Variants in KIF13A observed in about 807,000 individuals in gnomAD.
KIF13A encodes the protein kinesin-like protein KIF13A.
Under a neutral mutation model 212.2 loss-of-function variants are expected in KIF13A, and 79 were observed. That is an observed-to-expected ratio of 0.37 (90% CI 0.31 to 0.45). KIF13A has a LOEUF of 0.45. Among genes scored for constraint, KIF13A ranks in the 20% least tolerant of loss-of-function variants. KIF13A has a pLI of 1.00. For missense variants in KIF13A, 1,901 were observed against 2,209.0 expected, an observed-to-expected ratio of 0.86 and a Z score of 2.79; for synonymous variants, 789 against 808.6, an observed-to-expected ratio of 0.98 and a Z score of 0.41.
In KIF13A at chr6:17,838,276, G is replaced by A. The variant is rs557019153; in HGVS notation, c.831-693C>T. On this transcript the variant is annotated intron_variant, in intron 9 of 38. Transcript: ENST00000259711. The surrounding 1 kb of genome is among the most constrained non-coding windows in gnomAD (Gnocchi z 4.2). Reference sequence around the variant, plus strand: ...GCGGAGGCTGCAGTGAGCCAAGATCGCGCCACTGTACTCCAGCCTGGGCGA... The same window carrying A: ...GCGGAGGCTGCAGTGAGCCAAGATCACGCCACTGTACTCCAGCCTGGGCGA... Among the ~76,000 whole-genome samples the A allele has an allele frequency of 2.9e-3, 442 of 151,248 alleles. No individual in the cohort carries two copies. The highest frequency in any genetic ancestry group is 4.4e-3 in the Admixed American group (67 of 15,176).
Position 17,826,166 on chromosome 6 carries a change from G to C in KIF13A, c.1533-42C>G. 6.8e-7 allele frequency: 1 copy of C among 1,476,276 alleles called. No individual in the cohort carries two copies. The highest frequency in any genetic ancestry group is 9.5e-7 in the Non-Finnish European group (1 of 1,057,486). 91.4% of individuals were successfully genotyped at this position (1,476,276 alleles called of 1,614,324 possible). On this transcript the variant is annotated intron_variant, in intron 14 of 38. Coordinates refer to ENST00000259711, the MANE Select transcript of KIF13A (RefSeq NM_022113.6). This position sits in a 1 kb window ranked among gnomAD's most constrained non-coding sequence, Gnocchi z 4.7. ...GAAAATACCAGGTAAATGGGAAGGA[G>C]CACAAGACCTTGTCCTGGTAGCCAA...
chr6:17,841,448 T>C (rs933265495), intron 9 of KIF13A, among the ~76,000 whole-genome samples: 1 of 152,204 alleles, frequency 6.6e-6, no homozygotes, highest in Non-Finnish European at 1.5e-5. Flanking sequence ...GCTAATAAAA[T>C]GCTAGTTGCT....
chr6:17,796,047 T>C (rs1399824626), intron 23 of KIF13A, among the ~76,000 whole-genome samples: 3 of 152,202 alleles, frequency 2.0e-5, no homozygotes, highest in South Asian at 2.1e-4. Context: ...GGACATATCA[T>C]TCCCCATTGA....
chr6:17,800,247 G>C lies in KIF13A; in HGVS notation c.2455-134C>G. The C allele has an allele frequency of 3.8e-6, 3 of 779,504 alleles. No individual in the cohort carries two copies. The East Asian group carries it at 8.3e-5, about 21-fold the overall frequency. The allele number at this position is 779,504 out of a possible 1,614,324, so 48.3% of individuals were successfully genotyped here. ...GCTGCTTGGTCGTCTTCGGCAACGG[G>C]AGCCCTGCTACTACCAGAGCAGTCC... is the stretch of plus-strand genomic sequence containing the variant. On this transcript the variant is annotated intron_variant, in intron 20 of 38. Transcript: ENST00000259711.
In KIF13A at chr6:17,948,557, C is replaced by CTTTT. The variant is rs71002289; in HGVS notation, c.146+38493_146+38496dup. Among the ~76,000 whole-genome samples, 535 of 84,134 alleles carry CTTTT rather than the reference C, an allele frequency of 6.4e-3. 18 individuals are homozygous for CTTTT. Among genetic ancestry groups the CTTTT allele is most frequent in the East Asian group, 8.6e-3 (21 of 2,438 alleles). 55.2% of individuals were successfully genotyped at this position (84,134 alleles called of 152,430 possible). A position where few individuals can be genotyped will look rare whatever the true frequency, so the allele number is the denominator to read the frequency against. On this transcript the variant is annotated intron_variant, in intron 2 of 38. Transcript: ENST00000259711. Reference sequence around the variant, plus strand: ...CACAGTACCACATAACATCCATTTACTTTTTTTTTTTTTTTTTTTTTTTTG... The same window carrying CTTTT: ...CACAGTACCACATAACATCCATTTACTTTTTTTTTTTTTTTTTTTTTTTTTTTTG...
chr6:17,788,608 A>G (rs1761260760), intron 26 of KIF13A, among the ~76,000 whole-genome samples: 1 of 152,232 alleles, frequency 6.6e-6, no homozygotes, highest in Admixed American at 6.5e-5. Flanking sequence ...GTAGGGAAAG[A>G]AAATCCATCA....
At chr6:17,944,013 T>A (rs1777169125) in intron 2 of KIF13A, among the ~76,000 whole-genome samples, 3 of 152,318 alleles carry the variant, frequency 2.0e-5, no homozygotes, top group African/African-American at 7.2e-5. Context: ...GTATATGGTT[T>A]TCTAATAATT....
chr6:17,877,843 C>T (rs1421247535), intron 3 of KIF13A, among the ~76,000 whole-genome samples: 1 of 151,908 alleles, frequency 6.6e-6, no homozygotes, highest in Non-Finnish European at 1.5e-5. Context: ...CTTTCAATAA[C>T]TTCTGGTTTC....
chr6:17,854,145 GTTA>G (rs763229235), intron 6 of KIF13A, among the ~76,000 whole-genome samples: 2 of 152,106 alleles, frequency 1.3e-5, no homozygotes, highest in Admixed American at 1.3e-4. Context: ...TGTAACAGTG[GTTA>G]TTATTATTGA....
rs1759508775 is a variant in KIF13A at position 17,771,676 on chromosome 6, A to G, written c.4476+232T>C. 4.6e-6 allele frequency: 2 copies of G among 436,264 alleles called. No homozygotes were observed. Among genetic ancestry groups the G allele is most frequent in the Admixed American group, 3.8e-5 (1 of 26,350 alleles). 27.0% of individuals were successfully genotyped at this position (436,264 alleles called of 1,614,324 possible). Reference sequence around the variant, plus strand: ...CATCTTTCTCACTTGAAACATAAAAAAATACTTTGAAAAGCCATAAACACA... The same window carrying G: ...CATCTTTCTCACTTGAAACATAAAAGAATACTTTGAAAAGCCATAAACACA... On this transcript the variant is annotated intron_variant, in intron 37 of 38. Coordinates refer to ENST00000259711, the MANE Select transcript of KIF13A (RefSeq NM_022113.6). This position sits in a 1 kb window ranked among gnomAD's most constrained non-coding sequence, Gnocchi z 5.4.
intron 2 of KIF13A, among the ~76,000 whole-genome samples, chr6:17,972,224 CA>C (rs1427465439): frequency 6.6e-6 from 1 of 152,170 alleles, no homozygotes; most frequent in Non-Finnish European, 1.5e-5. Context: ...CCTCTTTATT[CA>C]AAACATTATC....
chr6:17,933,797 C>T (rs1017461336), intron 2 of KIF13A, among the ~76,000 whole-genome samples: 3 of 152,140 alleles, frequency 2.0e-5, no homozygotes, highest in Admixed American at 2.0e-4. Flanking sequence ...CAACACAAAG[C>T]ATTAGAAATG....
chr6:17,869,007 A>C lies in KIF13A; in HGVS notation c.220+4370T>G, dbSNP rs1047188846. On this transcript the variant is annotated intron_variant, in intron 4 of 38. Coordinates refer to ENST00000259711, the MANE Select transcript of KIF13A (RefSeq NM_022113.6). The stretch of plus-strand genomic sequence containing the variant: ...TCCCTCTCAAAAAAAAAAAAAAAAA[A>C]AAAAAAAAAAAAACACAAATAAATA... Among the ~76,000 whole-genome samples the C allele has an allele frequency of 3.4e-4, 50 of 148,458 alleles. 1 individual carries two copies. The highest frequency in any genetic ancestry group is 1.1e-3 in the African/African-American group (46 of 40,214).
intron 2 of KIF13A, among the ~76,000 whole-genome samples, chr6:17,932,200 G>A (rs1046899416): frequency 7.9e-5 from 12 of 152,002 alleles, no homozygotes; most frequent in African/African-American, 2.9e-4. Context: ...CCCAAATGGG[G>A]TTATGGTAGA....
At chr6:17,790,156 C>A (rs558982768) in intron 25 of KIF13A, among the ~76,000 whole-genome samples, 2 of 152,232 alleles carry the variant, frequency 1.3e-5, no homozygotes, top group Non-Finnish European at 2.9e-5. Context: ...AATCCCAACA[C>A]TTTGGGAGGC....
At chr6:17,932,035 C>A (rs1187818606) in intron 2 of KIF13A, among the ~76,000 whole-genome samples, 1 of 152,048 alleles carries the variant, frequency 6.6e-6, no homozygotes, top group East Asian at 1.9e-4. Flanking sequence ...ATGCTTGAGC[C>A]CCACTGCAGA....
Position 17,785,617 on chromosome 6 carries a change from C to T in KIF13A, c.3386G>A (p.Arg1129Gln), listed in dbSNP as rs1012385455. 3.7e-6 allele frequency: 6 copies of T among 1,605,594 alleles called. No homozygotes were observed. The highest frequency in any genetic ancestry group is 1.1e-5 in the South Asian group (1 of 88,978). Residue 1129 changes from arginine (R) to glutamine (Q), a missense_variant, in exon 28 of 39, where the codon CGG becomes CAG. Physicochemically the swap from Arg to Gln is conservative, Grantham distance 43 (BLOSUM62 1). Transcript: ENST00000259711. This position sits in a 1 kb window ranked among gnomAD's most constrained non-coding sequence, Gnocchi z 5.8. ...CCACTGCTCCACAAGCTGGGCTTCC[C>T]GCTCCACATCGTCCTCTGTTTTCTC... ...KTEKTEDDVE[R>Q]EAQLVEQWVG...
chr6:17,863,905 C>T (rs1769102500), intron 4 of KIF13A, among the ~76,000 whole-genome samples: 1 of 152,006 alleles, frequency 6.6e-6, no homozygotes, highest in African/African-American at 2.4e-5. Flanking sequence ...AACCTCAGTT[C>T]ATGAAAAAAG....
chr6:17,837,509 A>G lies in KIF13A; in HGVS notation c.905T>C (p.Val302Ala). 6.2e-7 allele frequency: 1 copy of G among 1,608,730 alleles called. No individual in the cohort carries two copies. The highest frequency in any genetic ancestry group is 8.5e-7 in the Non-Finnish European group (1 of 1,177,364). ...AGTGAGGACTGAATCTCGATAAGGC[A>G]CAAATTTGCTTTTACCCTTGCCAGC... ...QAAGKGKSKFVPYRDSVLTWL... is the reference protein window; with the variant it reads ...QAAGKGKSKFAPYRDSVLTWL... The change falls in exon 10 of 39, where the codon GTG becomes GCG. Residue 302 changes from valine to alanine, a missense_variant. Around this residue, in one of 5 missense-constraint regions of KIF13A, gnomAD observed 506 missense variants for 637.4 expected, o/e 0.79. Coordinates refer to ENST00000259711, the MANE Select transcript of KIF13A (RefSeq NM_022113.6). This position sits in a 1 kb window ranked among gnomAD's most constrained non-coding sequence, Gnocchi z 5.4.
Sources: gnomAD v4.1 joint callset for allele counts (sites outside exome capture counted in the v4.1 genomes callset) on GRCh38, gnomAD v4.1.1 for gene constraint, gnomAD v4.1.1 regional missense constraint, Gnocchi (gnomAD v3.1) non-coding constraint, MANE v1.5 for transcripts, NCBI Gene and HGNC (gene_info 2026-07-23, HGNC 2026-07-21) for gene names.